ANKIB1: variants seen among roughly 807,000 people sequenced by gnomAD.
ANKIB1 encodes ankyrin repeat and IBR domain-containing protein 1.
ANKIB1 carries 43 observed loss-of-function variants against 122.1 expected under a neutral mutation model. That is an observed-to-expected ratio of 0.35 (90% CI 0.28 to 0.45). The LOEUF is 0.45. Ranked by LOEUF, ANKIB1 falls within the 20% of genes least tolerant of loss-of-function variation. The pLI is 1.00. For missense variants in ANKIB1, 992 were observed against 1,329.5 expected (o/e 0.75, Z 3.95); for synonymous variants, 390 against 442.0 (o/e 0.88, Z 1.48).
At chr7:92,299,686 C>G (rs1013151035) in intron 2 of ANKIB1, among the ~76,000 whole-genome samples, 2 of 152,110 alleles carry the variant, frequency 1.3e-5, no homozygotes, top group Non-Finnish European at 2.9e-5. Flanking sequence ...AACAATGCCG[C>G]TCTTTTCACT....
At chr7:92,285,483 A>G (rs1301953844) in intron 1 of ANKIB1, among the ~76,000 whole-genome samples, 1 of 152,250 alleles carries the variant, frequency 6.6e-6, no homozygotes, top group Non-Finnish European at 1.5e-5. Context: ...AATTTCTTAC[A>G]AATTGTGAAA....
Position 92,327,764 on chromosome 7 carries a change from AT to A in ANKIB1, c.670-11del, listed in dbSNP as rs766583774. 3.2e-5 allele frequency: 45 copies of A among 1,419,682 alleles called. No individual in the cohort carries two copies. The highest frequency in any genetic ancestry group is 2.1e-4 in the Admixed American group (8 of 38,006). 87.9% of individuals were successfully genotyped at this position (1,419,682 alleles called of 1,614,324 possible). A position where few individuals can be genotyped will look rare whatever the true frequency, so the allele number is the denominator to read the frequency against. Reference sequence around the variant, plus strand: ...ATGAGTATAATGCCCATTTAACTTTATTTTTTTTCTTTTCAAAGCCATATGA... The same window carrying A: ...ATGAGTATAATGCCCATTTAACTTTATTTTTTTCTTTTCAAAGCCATATGA... On this transcript the variant is annotated intron_variant, in intron 4 of 19. Transcript: ENST00000265742.
Position 92,315,866 on chromosome 7 carries a change from A to G in ANKIB1, c.487-3464A>G, listed in dbSNP as rs144186743. ...TAATTTGAGAAATGTGAAGGCCAAG[A>G]AAGATAGAAAATTTTTAGGAAAGTA... is the stretch of plus-strand genomic sequence containing the variant. On this transcript the variant is annotated intron_variant, in intron 3 of 19. Coordinates refer to ENST00000265742, the MANE Select transcript of ANKIB1 (RefSeq NM_019004.2). Among the ~76,000 whole-genome samples, 449 of 152,296 alleles carry G rather than the reference A, an allele frequency of 2.9e-3. 2 individuals are homozygous for G. Among genetic ancestry groups the G allele is most frequent in the Middle Eastern group, 6.8e-3 (2 of 294 alleles).
At chr7:92,385,982 A>G (rs1804634040) in intron 11 of ANKIB1, among the ~76,000 whole-genome samples, 2 of 152,224 alleles carry the variant, frequency 1.3e-5, no homozygotes. Context: ...ATAAGAAAGG[A>G]TGTATTTTCA....
intron 5 of ANKIB1, among the ~76,000 whole-genome samples, chr7:92,339,293 T>C (rs956108145): frequency 2.5e-4 from 38 of 151,960 alleles, no homozygotes; most frequent in African/African-American, 7.2e-4. Flanking sequence ...CCGCCCGCCT[T>C]GGCCTCCCAA....
chr7:92,386,596 G>A lies in ANKIB1; in HGVS notation c.1705G>A (p.Glu569Lys). ...TGGYYRCTRYEVIQHVEEQSK... is the reference protein window; with the variant it reads ...TGGYYRCTRYKVIQHVEEQSK... The stretch of plus-strand genomic sequence containing the variant: ...AGGTTATTACAGATGTACTCGCTAT[G>A]AAGTCATTCAACACGTGGAGGAGCA... The change falls in exon 12 of 20, where the codon GAA (glutamate) becomes AAA (lysine). Residue 569 changes from glutamate to lysine, a missense_variant. Physicochemically the swap from Glu to Lys is moderately conservative, Grantham distance 56 (BLOSUM62 1). Transcript: ENST00000265742. 1 of 1,605,508 alleles carries A rather than the reference G, an allele frequency of 6.2e-7. No individual in the cohort carries two copies. Among genetic ancestry groups the A allele is most frequent in the Non-Finnish European group, 8.5e-7 (1 of 1,176,182 alleles).
At position 92,352,643 on chromosome 7, in the gene ANKIB1, G is replaced by C; in HGVS notation, c.1397+1G>C. 1 of 1,606,634 alleles carries C rather than the reference G, an allele frequency of 6.2e-7. No individual in the cohort carries two copies. The highest frequency in any genetic ancestry group is 8.5e-7 in the Non-Finnish European group (1 of 1,178,208). Reference sequence around the variant, plus strand: ...GTGGAAAAGGACACCTCTTCTGCTGGTTAGTATAAGACAAGTTGGAATCAG... The same window carrying C: ...GTGGAAAAGGACACCTCTTCTGCTGCTTAGTATAAGACAAGTTGGAATCAG... On this transcript the variant is annotated splice_donor_variant, in intron 9 of 19. Transcript: ENST00000265742. LOFTEE classifies it high-confidence loss of function.
intron 9 of ANKIB1, 56 bp downstream of exon 9, chr7:92,352,698 A>G (rs572006464): frequency 3.9e-5 from 60 of 1,533,222 alleles, no homozygotes; most frequent in Middle Eastern, 3.5e-4. Flanking sequence ...AATAGTTATT[A>G]AAGACTTTGC....
At chr7:92,393,225 A>G (rs949497426) in intron 17 of ANKIB1, among the ~76,000 whole-genome samples, 2 of 152,082 alleles carry the variant, frequency 1.3e-5, no homozygotes, top group Non-Finnish European at 2.9e-5. Flanking sequence ...TGCTGAAGAT[A>G]CTTGCAATCA....
chr7:92,330,011 C>T (rs1010828483), intron 5 of ANKIB1, among the ~76,000 whole-genome samples: 1 of 152,186 alleles, frequency 6.6e-6, no homozygotes. Context: ...TTAAAATCAT[C>T]CAAAATTTTT....
intron 10 of ANKIB1, among the ~76,000 whole-genome samples, chr7:92,363,938 G>T (rs1804011509): frequency 2.0e-5 from 3 of 152,210 alleles, no homozygotes; most frequent in South Asian, 2.1e-4. Flanking sequence ...GGAGCAAAGA[G>T]AAGTGGATAA....
At chr7:92,288,080 C>T (rs911805748) in intron 1 of ANKIB1, among the ~76,000 whole-genome samples, 2 of 135,872 alleles carry the variant, frequency 1.5e-5, no homozygotes, top group Non-Finnish European at 3.2e-5. Context: ...ATGGATAATA[C>T]AAATCTACTT....
chr7:92,264,161 G>GTT (rs532523170), intron 1 of ANKIB1, among the ~76,000 whole-genome samples: 4 of 136,802 alleles, frequency 2.9e-5, no homozygotes, highest in Admixed American at 1.5e-4. Context: ...TTTCGTCGTC[G>GTT]TTTTTTTTTT....
chr7:92,250,342 G>A (rs892603304), intron 1 of ANKIB1, among the ~76,000 whole-genome samples: 5 of 152,164 alleles, frequency 3.3e-5, no homozygotes, highest in African/African-American at 7.2e-5. Flanking sequence ...GCAGTGAGCC[G>A]AGATCACGCC....
rs1480029714 is a variant in ANKIB1 at position 92,398,565 on chromosome 7, C to T, written c.2886C>T (p.Asp962=). The part of the protein sequence containing the change: ...SSSDPDSAGQ[D]PNINDNLLGN... ...GTGATCCTGACTCAGCTGGCCAGGA[C>T]CCCAACATCAATGACAATCTTCTCG... The change falls in exon 20 of 20, where the codon GAC becomes GAT. Residue 962 remains aspartate, a synonymous_variant. Coordinates refer to ENST00000265742, the MANE Select transcript of ANKIB1 (RefSeq NM_019004.2). 6.2e-7 allele frequency: 1 copy of T among 1,613,770 alleles called. No homozygotes were observed. Among genetic ancestry groups the T allele is most frequent in the East Asian group, 2.2e-5 (1 of 44,884 alleles).
intron 11 of ANKIB1, among the ~76,000 whole-genome samples, chr7:92,384,048 A>G (rs1391433141): frequency 6.6e-6 from 1 of 152,230 alleles, no homozygotes; most frequent in Admixed American, 6.5e-5. Flanking sequence ...AAGTCTCAAG[A>G]TACAAAATCA....
At chr7:92,291,361 A>G (rs1423576075) in intron 1 of ANKIB1, among the ~76,000 whole-genome samples, 1 of 151,954 alleles carries the variant, frequency 6.6e-6, no homozygotes, top group Non-Finnish European at 1.5e-5. Flanking sequence ...GGTGGTGGAT[A>G]CCCCATTTAC....
Position 92,352,518 on chromosome 7 carries a change from C to T in ANKIB1, c.1273C>T (p.Pro425Ser). ...TCCTGCCATTAAATGGTGTCCTACTCCAGGCTGTGACAGAGCAGTAAGACT... is the reference window on the plus strand; with the variant it reads ...TCCTGCCATTAAATGGTGTCCTACTTCAGGCTGTGACAGAGCAGTAAGACT... Reference protein sequence around the residue: ...NNPAIKWCPTPGCDRAVRLTK... With the variant: ...NNPAIKWCPTSGCDRAVRLTK... The change falls in exon 9 of 20, where the codon CCA (proline) becomes TCA (serine). Residue 425 changes from proline to serine, a missense_variant. Pro to Ser is a moderately conservative substitution (Grantham distance 74). This residue lies in a region of ANKIB1 where 521 missense variants were observed against 777.7 expected (regional missense o/e 0.67). Transcript: ENST00000265742. 1.2e-6 allele frequency: 2 copies of T among 1,613,702 alleles called. No individual in the cohort carries two copies. Among genetic ancestry groups the T allele is most frequent in the Non-Finnish European group, 8.5e-7 (1 of 1,179,810 alleles).
At chr7:92,372,922 T>TA (rs1804306184) in intron 11 of ANKIB1, among the ~76,000 whole-genome samples, 1 of 152,110 alleles carries the variant, frequency 6.6e-6, no homozygotes. Flanking sequence ...GAAGGAAATT[T>TA]AAATGGTTAA....
Sources: gnomAD v4.1 joint callset for allele counts (sites outside exome capture counted in the v4.1 genomes callset) on GRCh38, gnomAD v4.1.1 for gene constraint, gnomAD v4.1.1 regional missense constraint, MANE v1.5 for transcripts, NCBI Gene and HGNC (gene_info 2026-07-23, HGNC 2026-07-21) for gene names.